MYO16: variants seen among roughly 807,000 people sequenced by gnomAD.
The protein encoded by MYO16 is myosin XVI, also known as unconventional myosin-XVI.
MYO16 carries 94 observed loss-of-function variants against 205.3 expected under a neutral mutation model. The ratio of observed to expected loss-of-function variants is 0.46; its 90% CI spans 0.39 to 0.54. The LOEUF is 0.54. Among genes scored for constraint, MYO16 ranks in the 20% least tolerant of loss-of-function variants. The probability of loss-of-function intolerance (pLI) is 0.00; values close to 1 mark genes in which losing one functional copy is unlikely to be tolerated. For synonymous variants in MYO16, 988 were observed against 954.0 expected (o/e 1.04, Z -0.66); for missense variants, 2,315 against 2,387.5 (o/e 0.97, Z 0.63).
At chr13:109,096,748 G>A (rs1274891776) in intron 27 of MYO16, among the ~76,000 whole-genome samples, 1 of 152,058 alleles carries the variant, frequency 6.6e-6, no homozygotes, top group African/African-American at 2.4e-5. Context: ...CCTTACTCTG[G>A]GCGAGCTCAC....
At chr13:108,738,292 A>C (rs1005465361) in intron 4 of MYO16, among the ~76,000 whole-genome samples, 2 of 152,190 alleles carry the variant, frequency 1.3e-5, no homozygotes, top group African/African-American at 4.8e-5. Flanking sequence ...ATTTCCCTCT[A>C]CACGCTGCTT....
intron 27 of MYO16, among the ~76,000 whole-genome samples, chr13:109,059,978 G>C (rs277840): frequency 1.3e-5 from 2 of 152,128 alleles, no homozygotes; most frequent in African/African-American, 4.8e-5. Context: ...TTAAAAAGTC[G>C]GAAAACAACA....
chr13:109,166,695 G>T (rs530368565), intron 33 of MYO16: 1 of 152,324 alleles, frequency 6.6e-6, no homozygotes, highest in Admixed American at 6.5e-5. Context: ...AATGACAGCA[G>T]TGTCCACACA....
At chr13:108,657,416 A>AT (rs1416164517) in intron 1 of MYO16, among the ~76,000 whole-genome samples, 1 of 152,104 alleles carries the variant, frequency 6.6e-6, no homozygotes, top group African/African-American at 2.4e-5. Flanking sequence ...ATTACCTGTA[A>AT]TTTTTTTAAT....
chr13:109,100,330 A>G (rs1386405849), intron 27 of MYO16, among the ~76,000 whole-genome samples: 1 of 152,172 alleles, frequency 6.6e-6, no homozygotes, highest in Non-Finnish European at 1.5e-5. Context: ...TACCTCTCAA[A>G]TAAGTATTCT....
At chr13:108,606,695 C>T (rs1415773983) in intron 1 of MYO16, among the ~76,000 whole-genome samples, 1 of 152,188 alleles carries the variant, frequency 6.6e-6, no homozygotes, top group African/African-American at 2.4e-5. Flanking sequence ...AGTCCCCACA[C>T]AGAGTCCCCA....
chr13:108,995,305 C>A (rs1048043579), intron 21 of MYO16, among the ~76,000 whole-genome samples: 2 of 152,262 alleles, frequency 1.3e-5, no homozygotes, highest in Middle Eastern at 6.8e-3. Flanking sequence ...TAATCTCACT[C>A]GGGATGGTGG....
At chr13:108,576,428 T>C in the MYO16 span, among the ~76,000 whole-genome samples, 2 of 152,232 alleles carry the variant, frequency 1.3e-5, no homozygotes, top group East Asian at 3.9e-4. Context: ...GCTGGTAATA[T>C]TGTCTTCTGC....
intron 27 of MYO16, among the ~76,000 whole-genome samples, chr13:109,098,435 T>C (rs940630022): frequency 6.6e-6 from 1 of 152,152 alleles, no homozygotes; most frequent in African/African-American, 2.4e-5. Context: ...GTCGAGGTGC[T>C]TAAAGAGGTG....
At chr13:108,655,258 T>A (rs1334907293) in intron 1 of MYO16, among the ~76,000 whole-genome samples, 1 of 152,158 alleles carries the variant, frequency 6.6e-6, no homozygotes, top group Non-Finnish European at 1.5e-5. Flanking sequence ...GGACTTAGTG[T>A]CCTGCGTCCC....
chr13:108,916,252 C>T (rs529815706), intron 16 of MYO16, among the ~76,000 whole-genome samples: 2 of 152,276 alleles, frequency 1.3e-5, no homozygotes, highest in African/African-American at 2.4e-5. Context: ...GTGCCAGGCA[C>T]TCTCTGAAGT....
chr13:109,194,148 A>T (rs9301357), intron 34 of MYO16, among the ~76,000 whole-genome samples: 1 of 151,884 alleles, frequency 6.6e-6, no homozygotes, highest in African/African-American at 2.4e-5. Flanking sequence ...ATGTCTTGTT[A>T]CCCAATTTGA....
At chr13:108,960,129 T>G (rs2139363507) in intron 17 of MYO16, among the ~76,000 whole-genome samples, 1 of 151,904 alleles carries the variant, frequency 6.6e-6, no homozygotes, top group South Asian at 2.1e-4. Flanking sequence ...TCAAAAACAT[T>G]AGCTGGACAC....
chr13:108,911,151 C>T (rs1368793547), intron 16 of MYO16, among the ~76,000 whole-genome samples: 2 of 151,684 alleles, frequency 1.3e-5, no homozygotes, highest in Non-Finnish European at 1.5e-5. Context: ...AACAAATTGG[C>T]GGGGGGCAAC....
At chr13:109,157,489 T>G (rs1878126833) in intron 32 of MYO16, among the ~76,000 whole-genome samples, 1 of 152,092 alleles carries the variant, frequency 6.6e-6, no homozygotes, top group African/African-American at 2.4e-5. Context: ...AATCCACTGC[T>G]TCTTCCTCCT....
the MYO16 span, among the ~76,000 whole-genome samples, chr13:108,550,873 A>G: frequency 1.3e-5 from 2 of 152,200 alleles, no homozygotes; most frequent in Non-Finnish European, 2.9e-5. Context: ...AGTGTGTCTT[A>G]AAAAGAAATA....
At position 109,140,693 on chromosome 13, in the gene MYO16, C is replaced by G. The variant is rs774975959; in HGVS notation, c.4481C>G (p.Pro1494Arg). The G allele has an allele frequency of 6.7e-7, 1 of 1,483,686 alleles. No homozygotes were observed. The highest frequency in any genetic ancestry group is 8.9e-7 in the Non-Finnish European group (1 of 1,119,342). 91.9% of individuals were successfully genotyped at this position (1,483,686 alleles called of 1,614,324 possible). ...RAPEDEAAGP[P>R]GDACDIPPPF... ...CCGGAGGACGAGGCGGCGGGGCCCCCAGGGGACGCGTGCGACATCCCGCCG... is the reference window on the plus strand; with the variant it reads ...CCGGAGGACGAGGCGGCGGGGCCCCGAGGGGACGCGTGCGACATCCCGCCG... Residue 1494 changes from proline (P) to arginine (R), a missense_variant, in exon 32 of 35, where the codon CCA becomes CGA. Coordinates refer to ENST00000457511, the MANE Select transcript of MYO16 (RefSeq NM_001198950.3). This position sits in a 1 kb window ranked among gnomAD's most constrained non-coding sequence, Gnocchi z 8.0.
At chr13:108,540,403 T>A in the MYO16 span, among the ~76,000 whole-genome samples, 2 of 152,112 alleles carry the variant, frequency 1.3e-5, no homozygotes, top group Admixed American at 1.3e-4. Flanking sequence ...TTGGCCCATG[T>A]GGATCAAGCC....
intron 12 of MYO16, among the ~76,000 whole-genome samples, chr13:108,871,570 T>C (rs1879066932): frequency 6.6e-6 from 1 of 152,180 alleles, no homozygotes; most frequent in Non-Finnish European, 1.5e-5. Context: ...TTTTTTTATT[T>C]GCTCCCTTCA....
Sources: allele counts gnomAD v4.1 joint callset (sites outside exome capture counted in the v4.1 genomes callset), GRCh38; gene constraint gnomAD v4.1.1; non-coding constraint Gnocchi (gnomAD v3.1); transcripts MANE v1.5; gene names NCBI Gene and HGNC (gene_info 2026-07-23, HGNC 2026-07-21).